The following MICOS10 variants were observed in gnomAD, a reference collection of about 807,000 sequenced individuals.
MICOS10 encodes the protein MICOS complex subunit MIC10.
In MICOS10, 5 loss-of-function variants were observed where a neutral mutation model predicts 13.4. The observed-to-expected ratio is 0.37, with a 90% confidence interval of 0.20 to 0.78. The LOEUF (loss-of-function observed/expected upper bound fraction) is 0.78, where lower values mean the gene tolerates loss of function less well. Among genes scored for constraint, MICOS10 ranks in the 30% least tolerant of loss-of-function variants. The pLI, the probability that MICOS10 is intolerant of heterozygous loss-of-function variation, is 0.47. For missense variants in MICOS10, 101 were observed against 94.6 expected, an observed-to-expected ratio of 1.07 and a Z score of -0.28; for synonymous variants, 35 against 33.6, an observed-to-expected ratio of 1.04 and a Z score of -0.15.
intron 1 of MICOS10, among the ~76,000 whole-genome samples, chr1:19,615,838 A>AT (rs1283570129): frequency 1.3e-5 from 2 of 151,070 alleles, no homozygotes; most frequent in African/African-American, 4.9e-5. Flanking sequence ...CTTTTACTTA[A>AT]TAAATGTTAA....
At chr1:19,621,694 C>T (rs2094904184) in intron 1 of MICOS10, among the ~76,000 whole-genome samples, 1 of 152,156 alleles carries the variant, frequency 6.6e-6, no homozygotes, top group Non-Finnish European at 1.5e-5. Flanking sequence ...GCCATCACTC[C>T]AAGTGCTGAG....
At chr1:19,613,250 T>C (rs1337448735) in intron 1 of MICOS10, among the ~76,000 whole-genome samples, 1 of 152,240 alleles carries the variant, frequency 6.6e-6, no homozygotes, top group East Asian at 1.9e-4. Flanking sequence ...TCACCTCTGA[T>C]GGCGGCTTCT....
At chr1:19,623,664 G>A in intron 3 of MICOS10, 81 bp downstream of exon 3, 1 of 959,260 alleles carries the variant, frequency 1.0e-6, no homozygotes, top group Non-Finnish European at 1.6e-6. Context: ...TAGACTGTTT[G>A]TAATGAGTAA....
intron 1 of MICOS10, among the ~76,000 whole-genome samples, chr1:19,597,493 A>G (rs2094797015): frequency 6.6e-6 from 1 of 152,202 alleles, no homozygotes; most frequent in South Asian, 2.1e-4. Flanking sequence ...TCAGGAGGCC[A>G]CGCTGCTCCC....
Position 19,628,674 on chromosome 1 carries a change from CTG to C in MICOS10, c.*2275_*2276del. 1 of 116,396 alleles carries C rather than the reference CTG, an allele frequency of 8.6e-6. No homozygotes were observed. The highest frequency in any genetic ancestry group is 1.6e-5 in the Non-Finnish European group (1 of 62,154). The allele number at this position is 116,396 out of a possible 1,614,324, so 7.2% of individuals were successfully genotyped here. ...TCCAGCCCGGCGACAGAGCGAGAAT[CTG>C]TCTCAAAAAAAAAAAAAAAAAAAAA... On this transcript the variant is annotated 3_prime_UTR_variant, in exon 4 of 4. Coordinates refer to ENST00000322753, the MANE Select transcript of MICOS10 (RefSeq NM_001032363.4).
chr1:19,618,681 G>T (rs567042316), intron 1 of MICOS10, among the ~76,000 whole-genome samples: 1 of 152,188 alleles, frequency 6.6e-6, no homozygotes, highest in African/African-American at 2.4e-5. Flanking sequence ...TCTTGCTGCA[G>T]CATCAGTGCT....
intron 1 of MICOS10, among the ~76,000 whole-genome samples, chr1:19,601,932 A>G (rs941275104): frequency 6.6e-6 from 1 of 152,164 alleles, no homozygotes; most frequent in Admixed American, 6.5e-5. Context: ...TGCCACTGCC[A>G]CTACATACAT....
intron 1 of MICOS10, among the ~76,000 whole-genome samples, chr1:19,610,579 A>G (rs1380956244): frequency 1.1e-4 from 17 of 151,564 alleles, no homozygotes; most frequent in East Asian, 2.0e-4. Context: ...GAGACAAGGT[A>G]TATTTGGGAG....
At chr1:19,613,548 G>A (rs933957791) in intron 1 of MICOS10, among the ~76,000 whole-genome samples, 1 of 152,132 alleles carries the variant, frequency 6.6e-6, no homozygotes, top group African/African-American at 2.4e-5. Flanking sequence ...AGTACATCCT[G>A]TTTCTGTCAT....
rs1368707391 is a variant in MICOS10, at chr1:19,626,442, A to G, written c.*41A>G. 1 of 1,612,258 alleles carries G rather than the reference A, an allele frequency of 6.2e-7. No individual in the cohort carries two copies. Among genetic ancestry groups the G allele is most frequent in the South Asian group, 1.1e-5 (1 of 90,958 alleles). ...TCCCAGCGGGAGGACAAGAGAAATC[A>G]TGTTTATTCCTCAGGAATACTGAAG... On this transcript the variant is annotated 3_prime_UTR_variant, in exon 4 of 4. Transcript: ENST00000322753.
intron 1 of MICOS10, among the ~76,000 whole-genome samples, chr1:19,602,819 G>C (rs1402635704): frequency 6.6e-6 from 1 of 152,176 alleles, no homozygotes; most frequent in Non-Finnish European, 1.5e-5. Context: ...GAGGCTAGAA[G>C]GCATAGTGTC....
At chr1:19,618,832 T>A (rs1332024074) in intron 1 of MICOS10, among the ~76,000 whole-genome samples, 4 of 152,248 alleles carry the variant, frequency 2.6e-5, no homozygotes, top group African/African-American at 9.6e-5. Context: ...TAGCTTCTCA[T>A]ATTTGTGAAC....
Position 19,614,208 on chromosome 1 carries a change from A to G in MICOS10, c.65-7892A>G, listed in dbSNP as rs917852187. Among the ~76,000 whole-genome samples the G allele has an allele frequency of 3.3e-5, 5 of 151,858 alleles. No homozygotes were observed. In the East Asian group the frequency reaches 9.6e-4, roughly 29 times the overall value. On this transcript the variant is annotated intron_variant, in intron 1 of 3. Transcript: ENST00000322753. ...AGTTATATTTTAGATTGATTAAGGG[A>G]ATTTAGTGTTAAAAGATTATCTGAT... is the stretch of plus-strand genomic sequence containing the variant.
chr1:19,617,494 G>A (rs2094888551), intron 1 of MICOS10, among the ~76,000 whole-genome samples: 1 of 152,186 alleles, frequency 6.6e-6, no homozygotes, highest in African/African-American at 2.4e-5. Context: ...GCATTTACAT[G>A]TGGACACCTG....
chr1:19,607,969 C>A, intron 1 of MICOS10: 1 of 603,538 alleles, frequency 1.7e-6, no homozygotes, highest in Non-Finnish European at 3.0e-6. Context: ...AAAATCTTTT[C>A]AACAAACCAT....
intron 1 of MICOS10, among the ~76,000 whole-genome samples, chr1:19,617,497 G>A (rs775355608): frequency 5.3e-5 from 8 of 152,170 alleles, no homozygotes; most frequent in Non-Finnish European, 1.2e-4. Flanking sequence ...TTTACATGTG[G>A]ACACCTGGGA....
intron 1 of MICOS10, among the ~76,000 whole-genome samples, chr1:19,598,600 G>A (rs78330117): frequency 0.021 from 3,114 of 146,696 alleles, 109 homozygotes; most frequent in African/African-American, 0.074. Flanking sequence ...AACAAAGTGA[G>A]ACCCTTCCCT....
chr1:19,626,366 C>T (rs1257433480), intron 3 of MICOS10, 21 bp from the exon 4 acceptor site: 1 of 1,613,948 alleles, frequency 6.2e-7, no homozygotes, highest in Admixed American at 1.7e-5. Flanking sequence ...CAGTTTTAAG[C>T]TGAATGTCCT....
At chr1:19,608,871 TC>T (rs1283519027) in intron 1 of MICOS10, among the ~76,000 whole-genome samples, 2 of 150,856 alleles carry the variant, frequency 1.3e-5, no homozygotes, top group East Asian at 1.9e-4. Flanking sequence ...ATTTTAAGGT[TC>T]CCCCCCACCC....
Sources: gnomAD v4.1 joint callset for allele counts (sites outside exome capture counted in the v4.1 genomes callset) on GRCh38, gnomAD v4.1.1 for gene constraint, MANE v1.5 for transcripts, NCBI Gene and HGNC (gene_info 2026-07-23, HGNC 2026-07-21) for gene names.